Variants in HMCN1 observed in about 807,000 individuals in gnomAD.
HMCN1 encodes the protein hemicentin 1.
Under a neutral mutation model 625.9 loss-of-function variants are expected in HMCN1, and 321 were observed. That is an observed-to-expected ratio of 0.51 (90% confidence interval 0.47 to 0.56). The LOEUF is 0.56. HMCN1 is among the 20% of genes least tolerant of loss of function. HMCN1 has a pLI of 0.00. For synonymous variants in HMCN1, 2,425 were observed against 2,417.6 expected, an observed-to-expected ratio of 1.00 and a Z score of -0.09; for missense variants, 6,588 against 6,887.3, an observed-to-expected ratio of 0.96 and a Z score of 1.54.
At chr1:186,013,704 AT>A (rs1407103267) in intron 30 of HMCN1, among the ~76,000 whole-genome samples, 2 of 152,144 alleles carry the variant, frequency 1.3e-5, no homozygotes, top group African/African-American at 4.8e-5. Flanking sequence ...ACAAAACAAA[AT>A]AAAATAATAA....
rs1347683146 is a variant in HMCN1, at chr1:185,963,891, C to T, written c.2094C>T (p.Tyr698=). The T allele has an allele frequency of 1.2e-6, 2 of 1,611,302 alleles. No individual in the cohort carries two copies. Among genetic ancestry groups the T allele is most frequent in the East Asian group, 2.2e-5 (1 of 44,734 alleles). Residue 698 remains tyrosine, a synonymous_variant, in exon 13 of 107, where the codon TAC becomes TAT. Transcript: ENST00000271588. The part of the protein sequence containing the change: ...GTDKQNSTLR[Y]IEAPKLMVVQ... Reference sequence around the variant, plus strand: ...ATAAACAGAATTCTACTCTCAGATACATTGGCAAGTATAATCACTTTAAAA... The same window carrying T: ...ATAAACAGAATTCTACTCTCAGATATATTGGCAAGTATAATCACTTTAAAA...
chr1:186,111,106 A>G (rs980389964), intron 71 of HMCN1, among the ~76,000 whole-genome samples: 2 of 148,168 alleles, frequency 1.3e-5, no homozygotes, highest in Non-Finnish European at 3.0e-5. Flanking sequence ...TCAGCCTCCC[A>G]AGTAGCTGGG....
At chr1:186,078,921 A>C (rs1166741423) in intron 55 of HMCN1, among the ~76,000 whole-genome samples, 4 of 152,210 alleles carry the variant, frequency 2.6e-5, no homozygotes, top group Non-Finnish European at 2.9e-5. Context: ...TTTAAAGTTC[A>C]TGAGAGAGTT....
At chr1:186,069,046 GT>G (rs1658319154) in intron 50 of HMCN1, among the ~76,000 whole-genome samples, 1 of 152,148 alleles carries the variant, frequency 6.6e-6, no homozygotes, top group Admixed American at 6.5e-5. Context: ...GGTAACCTGT[GT>G]GGGAAAAGTA....
rs1469938121 is a variant in HMCN1, at chr1:185,734,509, C to T, written c.-271C>T. 3.1e-5 allele frequency: 14 copies of T among 445,906 alleles called. No individual in the cohort carries two copies. The highest frequency in any genetic ancestry group is 4.9e-5 in the Non-Finnish European group (12 of 247,344). 27.6% of individuals were successfully genotyped at this position (445,906 alleles called of 1,614,324 possible). On this transcript the variant is annotated 5_prime_UTR_variant, in exon 1 of 107. Coordinates refer to ENST00000271588, the MANE Select transcript of HMCN1 (RefSeq NM_031935.3). ...ACCCGACGCGCCGCCCGCACTCCGC[C>T]ACAGGCTGTCCAGGGCCCGCGGGCA... is the stretch of plus-strand genomic sequence containing the variant.
intron 4 of HMCN1, 116 bp downstream of exon 4, chr1:185,865,979 C>G (rs992207484): frequency 1.1e-6 from 1 of 946,700 alleles, no homozygotes; most frequent in African/African-American, 1.6e-5. Context: ...AGGTATAACT[C>G]CAAGGCCACA....
intron 63 of HMCN1, among the ~76,000 whole-genome samples, chr1:186,089,148 G>A (rs752121672): frequency 5.3e-5 from 8 of 151,916 alleles, no homozygotes; most frequent in Admixed American, 2.6e-4. Flanking sequence ...TGATCTGACC[G>A]CAGGTAGATT....
At chr1:185,890,419 A>T (rs1341863395) in intron 4 of HMCN1, among the ~76,000 whole-genome samples, 4 of 145,106 alleles carry the variant, frequency 2.8e-5, no homozygotes, top group Admixed American at 2.0e-4. Context: ...TCAATTTTGG[A>T]TCTTTCCTGC....
In HMCN1 at chr1:185,977,954, C is replaced by A; in HGVS notation, c.2539C>A (p.Leu847Ile). Residue 847 changes from leucine (L) to isoleucine (I), a missense_variant, in exon 16 of 107, where the codon CTA becomes ATA. Transcript: ENST00000271588. ...RPFSVSSISQ[L>I]RTGALFILNL... ...TTTTTCAGTTAGTTCCATCAGCCAA[C>A]TAAGAACAGGAGCTCTCTTTATTTT... The A allele has an allele frequency of 6.2e-7, 1 of 1,612,792 alleles. No homozygotes were observed. The highest frequency in any genetic ancestry group is 1.7e-5 in the Admixed American group (1 of 59,942).
At chr1:185,803,479 C>T (rs368643638) in intron 1 of HMCN1, among the ~76,000 whole-genome samples, 100 of 152,058 alleles carry the variant, frequency 6.6e-4, no homozygotes, top group African/African-American at 2.4e-3. Flanking sequence ...TCTTCAATAG[C>T]ATTTTTTCTC....
In HMCN1 at chr1:186,113,981, C is replaced by T. The variant is rs141099682; in HGVS notation, c.11134C>T (p.Pro3712Ser). ...TREFILTVNVPPNIKGGPQSL... is the reference protein window; with the variant it reads ...TREFILTVNVSPNIKGGPQSL... ...TTTCATGTGTATCTCTTGTTCAGTT[C>T]CTCCAAACATAAAGGGGGGCCCCCA... The change falls in exon 73 of 107, where the codon CCT (proline) becomes TCT (serine). Residue 3712 changes from proline to serine, a missense_variant and splice_region_variant. Pro to Ser is a moderately conservative substitution (Grantham distance 74, BLOSUM62 -1). This residue lies in a region of HMCN1 where 4,628 missense variants were observed against 4,853.1 expected (regional missense o/e 0.95). Coordinates refer to ENST00000271588, the MANE Select transcript of HMCN1 (RefSeq NM_031935.3). The T allele has an allele frequency of 8.9e-4, 1,438 of 1,613,848 alleles. 2 individuals are homozygous for T. Among genetic ancestry groups the T allele is most frequent in the Non-Finnish European group, 1.2e-3 (1,366 of 1,179,948 alleles).
Position 186,166,822 on chromosome 1 carries a change from G to A in HMCN1, c.15454G>A (p.Ala5152Thr), listed in dbSNP as rs1236516043. The change falls in exon 100 of 107, where the codon GCT becomes ACT. Residue 5152 changes from alanine (A) to threonine (T), a missense_variant. By Grantham distance (58) the Ala-to-Thr change is moderately conservative. Transcript: ENST00000271588. Reference sequence around the variant, plus strand: ...CTCTGTTGCAGATATTGATGAGTGTGCTTTGGGTAGGCATACCTGCCACGC... The same window carrying A: ...CTCTGTTGCAGATATTGATGAGTGTACTTTGGGTAGGCATACCTGCCACGC... ...GRTCQDIDEC[A>T]LGRHTCHAGQ... 1 of 1,614,016 alleles carries A rather than the reference G, an allele frequency of 6.2e-7. No individual in the cohort carries two copies. Among genetic ancestry groups the A allele is most frequent in the Non-Finnish European group, 8.5e-7 (1 of 1,180,020 alleles).
chr1:186,003,394 T>C (rs1156265259), intron 28 of HMCN1, among the ~76,000 whole-genome samples: 1 of 152,154 alleles, frequency 6.6e-6, no homozygotes, highest in Non-Finnish European at 1.5e-5. Context: ...TGTATAGCAG[T>C]AGCAAATTAC....
intron 11 of HMCN1, among the ~76,000 whole-genome samples, chr1:185,937,243 T>C (rs1341098703): frequency 1.3e-5 from 2 of 152,206 alleles, no homozygotes; most frequent in Non-Finnish European, 2.9e-5. Context: ...CATAACAGAA[T>C]ACCTGAGACT....
chr1:186,006,721 G>A (rs181692111), intron 29 of HMCN1, among the ~76,000 whole-genome samples: 1 of 150,832 alleles, frequency 6.6e-6, no homozygotes, highest in Non-Finnish European at 1.5e-5. Flanking sequence ...AATATTATTT[G>A]GTCCAAAATC....
intron 4 of HMCN1, among the ~76,000 whole-genome samples, chr1:185,891,651 T>C (rs1665092391): frequency 1.3e-5 from 2 of 148,248 alleles, no homozygotes; most frequent in South Asian, 4.1e-4. Flanking sequence ...CACTCTCTTC[T>C]GGCTTGTAGA....
Position 185,858,586 on chromosome 1 carries a change from ATTTTTTTTTTTTTTTTTTTTTT to A in HMCN1, c.340-5858_340-5837del, listed in dbSNP as rs71101980. Among the ~76,000 whole-genome samples the A allele has an allele frequency of 2.2e-3, 77 of 34,744 alleles. 1 individual carries two copies. Among genetic ancestry groups the A allele is most frequent in the African/African-American group, 3.4e-3 (31 of 9,108 alleles). 22.8% of individuals were successfully genotyped at this position (34,744 alleles called of 152,430 possible). ...GCCTATATGCCACCACACCCAGCTA[ATTTTTTTTTTTTTTTTTTTTTT>A]TTTTTTTTTTTTTTTTTTTTTTTTT... On this transcript the variant is annotated intron_variant, in intron 2 of 106. Transcript: ENST00000271588.
chr1:185,756,482 A>G (rs1458558494), intron 1 of HMCN1, among the ~76,000 whole-genome samples: 1 of 151,352 alleles, frequency 6.6e-6, no homozygotes, highest in African/African-American at 2.4e-5. Context: ...TCAGGGTAAA[A>G]AAAAAAAAAA....
chr1:186,071,942 TACAC>T (rs542394341), intron 52 of HMCN1, among the ~76,000 whole-genome samples: 1 of 152,182 alleles, frequency 6.6e-6, no homozygotes, highest in Non-Finnish European at 1.5e-5. Flanking sequence ...CATGAACACA[TACAC>T]ACATTAAAAA....
Sources: allele counts gnomAD v4.1 joint callset (sites outside exome capture counted in the v4.1 genomes callset), GRCh38; gene constraint gnomAD v4.1.1; regional missense constraint gnomAD v4.1.1; transcripts MANE v1.5; gene names NCBI Gene and HGNC (gene_info 2026-07-23, HGNC 2026-07-21).